The following ANKRD6 variants were observed in gnomAD, a reference collection of about 807,000 sequenced individuals.
ANKRD6 encodes ankyrin repeat domain-containing protein 6.
ANKRD6 carries 56 observed loss-of-function variants against 82.3 expected under a neutral mutation model. The ratio of observed to expected loss-of-function variants is 0.68; its 90% CI spans 0.55 to 0.85. The LOEUF is 0.85. Ranked by LOEUF, ANKRD6 falls within the 40% of genes least tolerant of loss-of-function variation. ANKRD6 has a pLI of 0.00. For synonymous variants in ANKRD6, 347 were observed against 352.1 expected (o/e 0.99, Z 0.16); for missense variants, 852 against 907.6 (o/e 0.94, Z 0.79).
At chr6:89,453,471 T>C (rs1253891206) in intron 1 of ANKRD6, among the ~76,000 whole-genome samples, 3 of 152,168 alleles carry the variant, frequency 2.0e-5, no homozygotes, top group Non-Finnish European at 4.4e-5. Context: ...ACTTATGATA[T>C]ACAACAAGCA....
At chr6:89,462,865 GT>G (rs751083567) in intron 1 of ANKRD6, among the ~76,000 whole-genome samples, 107 of 127,476 alleles carry the variant, frequency 8.4e-4, no homozygotes, top group South Asian at 3.4e-3. Flanking sequence ...TGAGTTTTTA[GT>G]TTTTTTTTTT....
chr6:89,474,755 T>C (rs888572356), intron 1 of ANKRD6, among the ~76,000 whole-genome samples: 1 of 152,196 alleles, frequency 6.6e-6, no homozygotes, highest in Non-Finnish European at 1.5e-5. Flanking sequence ...CCCACTACAG[T>C]GTTGCACTGG....
chr6:89,512,932 C>CT (rs889559507), intron 1 of ANKRD6, among the ~76,000 whole-genome samples: 12 of 151,296 alleles, frequency 7.9e-5, no homozygotes, highest in South Asian at 4.2e-4. Flanking sequence ...CTTTTTCTCT[C>CT]TTTTTTTTAA....
chr6:89,562,522 G>A (rs779260810), intron 1 of ANKRD6: 12 of 152,142 alleles, frequency 7.9e-5, no homozygotes, highest in African/African-American at 1.4e-4. Flanking sequence ...TCATCTGAGC[G>A]TCATTCAGAA....
intron 1 of ANKRD6, among the ~76,000 whole-genome samples, chr6:89,522,117 A>G (rs1781960590): frequency 6.6e-6 from 1 of 152,178 alleles, no homozygotes. Context: ...CAGTGTGCGC[A>G]TTATGGTCCC....
Position 89,630,645 on chromosome 6 carries a change from C to A in ANKRD6, c.1825C>A (p.Gln609Lys). 6.2e-7 allele frequency: 1 copy of A among 1,612,922 alleles called. No individual in the cohort carries two copies. Among genetic ancestry groups the A allele is most frequent in the Non-Finnish European group, 8.5e-7 (1 of 1,179,054 alleles). The change falls in exon 16 of 16, where the codon CAG (glutamine) becomes AAG (lysine). Residue 609 changes from glutamine to lysine, a missense_variant. By Grantham distance (53) the Gln-to-Lys change is moderately conservative. Transcript: ENST00000339746. ...GAATGAGGCAGCCAGATCTGATCAG[C>A]AGGCTGGGCCCTGCGTCAACAGAGG... ...PMNEAARSDQ[Q>K]AGPCVNRGTQ...
At chr6:89,504,818 C>A (rs1582967384) in intron 1 of ANKRD6, 1 of 152,332 alleles carries the variant, frequency 6.6e-6, no homozygotes, top group East Asian at 1.9e-4. Context: ...TAGAGGGCTT[C>A]TTGCCTTTCC....
At chr6:89,553,112 G>A (rs1198291100) in intron 1 of ANKRD6, among the ~76,000 whole-genome samples, 2 of 152,202 alleles carry the variant, frequency 1.3e-5, no homozygotes, top group Non-Finnish European at 2.9e-5. Context: ...GGAGAGTGAG[G>A]GATGAGAGGG....
intron 1 of ANKRD6, among the ~76,000 whole-genome samples, chr6:89,460,715 C>G (rs556185219): frequency 1.3e-5 from 2 of 151,922 alleles, no homozygotes; most frequent in Non-Finnish European, 2.9e-5. Flanking sequence ...GGATTACAGG[C>G]GTGAGCACCC....
Position 89,616,676 on chromosome 6 carries a change from T to G in ANKRD6, c.714+19T>G. 1 of 1,611,720 alleles carries G rather than the reference T, an allele frequency of 6.2e-7. No homozygotes were observed. Among genetic ancestry groups the G allele is most frequent in the Non-Finnish European group, 8.5e-7 (1 of 1,177,852 alleles). On this transcript the variant is annotated intron_variant, in intron 8 of 15. Coordinates refer to ENST00000339746, the MANE Select transcript of ANKRD6 (RefSeq NM_001242809.2). ...TAACAATGTAAGTTGAGTTGCAACA[T>G]TGCTTTCTAAAGTGGTTCCCACCCC...
chr6:89,469,212 T>C (rs1042507289), intron 1 of ANKRD6, among the ~76,000 whole-genome samples: 1 of 152,242 alleles, frequency 6.6e-6, no homozygotes, highest in Non-Finnish European at 1.5e-5. Flanking sequence ...CAGTTGTAGC[T>C]GTCAAATGTT....
intron 4 of ANKRD6, among the ~76,000 whole-genome samples, chr6:89,605,606 C>T (rs1168936692): frequency 6.6e-6 from 1 of 152,168 alleles, no homozygotes; most frequent in Non-Finnish European, 1.5e-5. Context: ...ATGCCAGGAG[C>T]AGAGCAGACT....
intron 15 of ANKRD6, chr6:89,629,482 G>T (rs1425553355): frequency 1.1e-5 from 6 of 528,246 alleles, no homozygotes; most frequent in African/African-American, 5.7e-5. Context: ...TTGTTGACTG[G>T]TGATAACATT....
At chr6:89,583,068 C>T (rs1461389389) in intron 2 of ANKRD6, among the ~76,000 whole-genome samples, 1 of 152,162 alleles carries the variant, frequency 6.6e-6, no homozygotes, top group East Asian at 1.9e-4. Context: ...TACCTAGATG[C>T]TGTGGTTTAG....
intron 1 of ANKRD6, among the ~76,000 whole-genome samples, chr6:89,470,871 G>A (rs1479764970): frequency 6.6e-6 from 1 of 152,026 alleles, no homozygotes; most frequent in Admixed American, 6.6e-5. Flanking sequence ...AGGTAATGTT[G>A]TACCTAAGTA....
At chr6:89,562,194 G>T (rs528444519) in intron 1 of ANKRD6, among the ~76,000 whole-genome samples, 3 of 152,322 alleles carry the variant, frequency 2.0e-5, no homozygotes, top group Non-Finnish European at 4.4e-5. Context: ...AGCTTCTGAA[G>T]GGGCTCAGTT....
At chr6:89,612,730 A>G (rs1800526099) in intron 6 of ANKRD6, among the ~76,000 whole-genome samples, 3 of 152,198 alleles carry the variant, frequency 2.0e-5, no homozygotes, top group Non-Finnish European at 2.9e-5. Flanking sequence ...ATCAGCAAAT[A>G]TGAGCTGGTG....
chr6:89,497,373 C>A (rs979906624), intron 1 of ANKRD6, among the ~76,000 whole-genome samples: 2 of 152,166 alleles, frequency 1.3e-5, no homozygotes, highest in Non-Finnish European at 2.9e-5. Flanking sequence ...AAGTTCCTAC[C>A]TCCTGGTGAG....
intron 1 of ANKRD6, among the ~76,000 whole-genome samples, chr6:89,465,120 A>AT (rs1238834768): frequency 0.034 from 4,687 of 138,782 alleles, 89 homozygotes; most frequent in African/African-American, 0.042. Context: ...CATTGCTTTA[A>AT]TTTTTTTTTT....
Sources: allele counts gnomAD v4.1 joint callset (sites outside exome capture counted in the v4.1 genomes callset), GRCh38; gene constraint gnomAD v4.1.1; transcripts MANE v1.5; gene names NCBI Gene and HGNC (gene_info 2026-07-23, HGNC 2026-07-21).